The following ARHGAP18 variants were observed in gnomAD, a reference collection of about 807,000 sequenced individuals.
ARHGAP18 encodes the protein Rho GTPase activating protein 18, also known as rho GTPase-activating protein 18.
In ARHGAP18, 67 loss-of-function variants were observed where a neutral mutation model predicts 86.2. That is an observed-to-expected ratio of 0.78 (90% CI 0.64 to 0.95). ARHGAP18 has a LOEUF of 0.95. Among genes scored for constraint, ARHGAP18 ranks in the 40% least tolerant of loss-of-function variants. The probability of loss-of-function intolerance (pLI) is 0.00; values close to 1 mark genes in which losing one functional copy is unlikely to be tolerated. For synonymous variants in ARHGAP18, 283 were observed against 280.4 expected (o/e 1.01, Z -0.09); for missense variants, 691 against 780.4 (o/e 0.89, Z 1.37).
At chr6:129,582,660 A>G (rs1584019213) in intron 13 of ARHGAP18, among the ~76,000 whole-genome samples, 1 of 152,060 alleles carries the variant, frequency 6.6e-6, no homozygotes, top group Non-Finnish European at 1.5e-5. Context: ...AAACACATCT[A>G]CTCTCAGTCT....
intron 1 of ARHGAP18, among the ~76,000 whole-genome samples, chr6:129,649,618 T>C (rs1210216166): frequency 6.7e-6 from 1 of 149,556 alleles, no homozygotes; most frequent in Non-Finnish European, 1.5e-5. Context: ...AGTTTTTCAG[T>C]GTTCACCCAC....
At chr6:129,586,320 C>G (rs916868883) in intron 12 of ARHGAP18, among the ~76,000 whole-genome samples, 1 of 152,114 alleles carries the variant, frequency 6.6e-6, no homozygotes, top group African/African-American at 2.4e-5. Flanking sequence ...CCTAATCCAC[C>G]TTGTCTACTC....
At chr6:129,642,960 A>G (rs72984788) in intron 1 of ARHGAP18, among the ~76,000 whole-genome samples, 1 of 152,204 alleles carries the variant, frequency 6.6e-6, no homozygotes, top group Non-Finnish European at 1.5e-5. Flanking sequence ...ATTACCTCAA[A>G]CATTTCTCTC....
At chr6:129,671,174 AT>A (rs1562719276) in intron 1 of ARHGAP18, among the ~76,000 whole-genome samples, 1 of 152,200 alleles carries the variant, frequency 6.6e-6, no homozygotes, top group Admixed American at 6.5e-5. Flanking sequence ...GTGTGTATGC[AT>A]ATGCCCTTTA....
chr6:129,679,202 T>C (rs1774283358), intron 1 of ARHGAP18, among the ~76,000 whole-genome samples: 1 of 152,228 alleles, frequency 6.6e-6, no homozygotes, highest in African/African-American at 2.4e-5. Context: ...AATTTGCCAC[T>C]TTCTCTTAAG....
chr6:129,634,703 T>C (rs1277950096), intron 3 of ARHGAP18, among the ~76,000 whole-genome samples: 4 of 152,010 alleles, frequency 2.6e-5, no homozygotes, highest in African/African-American at 9.7e-5. Flanking sequence ...CAGGCTTTCT[T>C]TTGGAGACAA....
intron 1 of ARHGAP18, among the ~76,000 whole-genome samples, chr6:129,664,884 A>G (rs1354924552): frequency 6.6e-6 from 1 of 152,204 alleles, no homozygotes; most frequent in Non-Finnish European, 1.5e-5. Context: ...TATAGATGGA[A>G]GAGAAGACCT....
chr6:129,684,625 A>C (rs1562724079), intron 1 of ARHGAP18, among the ~76,000 whole-genome samples: 1 of 152,234 alleles, frequency 6.6e-6, no homozygotes, highest in Non-Finnish European at 1.5e-5. Flanking sequence ...ATTAGGTGTC[A>C]TGGAGCCTGC....
intron 7 of ARHGAP18, among the ~76,000 whole-genome samples, chr6:129,614,748 ATTTT>A (rs10556070): frequency 6.1e-5 from 8 of 131,548 alleles, no homozygotes; most frequent in East Asian, 4.4e-4. Flanking sequence ...GCAGTGACAG[ATTTT>A]TTTTTTTTTT....
chr6:129,631,290 C>T (rs566433371), intron 4 of ARHGAP18, among the ~76,000 whole-genome samples: 1 of 152,124 alleles, frequency 6.6e-6, no homozygotes, highest in East Asian at 1.9e-4. Context: ...ATAAATACCC[C>T]CACACTCACA....
At chr6:129,582,409 T>C (rs1401236644) in intron 13 of ARHGAP18, among the ~76,000 whole-genome samples, 1 of 152,070 alleles carries the variant, frequency 6.6e-6, no homozygotes, top group African/African-American at 2.4e-5. Context: ...TGAAAGTAAA[T>C]GTAAATTAAC....
Position 129,629,369 on chromosome 6 carries a change from T to A in ARHGAP18, c.770A>T (p.Asp257Val), listed in dbSNP as rs777607504. Residue 257 changes from aspartate to valine, a missense_variant, in exon 5 of 15, where the codon GAT becomes GTT. By Grantham distance (152) the Asp-to-Val change is radical. Transcript: ENST00000368149. Reference protein sequence around the residue: ...SKEKIQKSKGDDATLPSFRLP... With the variant: ...SKEKIQKSKGVDATLPSFRLP... ...ACTACGTACAGGTAATGTGGCATCA[T>A]CGCCTTTGCTCTTCTGGATTTTCTC... The A allele has an allele frequency of 6.2e-7, 1 of 1,613,756 alleles. No individual in the cohort carries two copies. Among genetic ancestry groups the A allele is most frequent in the South Asian group, 1.1e-5 (1 of 91,050 alleles).
intron 1 of ARHGAP18, among the ~76,000 whole-genome samples, chr6:129,644,882 A>C (rs766994744): frequency 3.3e-5 from 5 of 152,246 alleles, no homozygotes; most frequent in Non-Finnish European, 5.9e-5. Context: ...TAAAGCAAAA[A>C]TTGAATAGCT....
At chr6:129,584,775 C>A (rs1788361754) in intron 12 of ARHGAP18, among the ~76,000 whole-genome samples, 1 of 152,096 alleles carries the variant, frequency 6.6e-6, no homozygotes, top group Non-Finnish European at 1.5e-5. Flanking sequence ...TTAATTAATT[C>A]CTAAAGGGTT....
At chr6:129,704,335 C>T (rs1204814564) in intron 1 of ARHGAP18, among the ~76,000 whole-genome samples, 1 of 152,076 alleles carries the variant, frequency 6.6e-6, no homozygotes, top group Non-Finnish European at 1.5e-5. Context: ...ATCCCAGCTA[C>T]TGGGGAGCCT....
At chr6:129,707,135 A>G (rs1774814468) in intron 1 of ARHGAP18, among the ~76,000 whole-genome samples, 1 of 151,822 alleles carries the variant, frequency 6.6e-6, no homozygotes, top group Admixed American at 6.6e-5. Context: ...ATAGAGGCTG[A>G]GGCAGGAGAA....
chr6:129,699,239 C>A (rs1774672725), intron 1 of ARHGAP18, among the ~76,000 whole-genome samples: 1 of 152,188 alleles, frequency 6.6e-6, no homozygotes, highest in Non-Finnish European at 1.5e-5. Context: ...CCTAAATACT[C>A]CCAAATCAAT....
rs888761023 is a variant in ARHGAP18, at chr6:129,610,372, G to A, written c.1122+1161C>T. On this transcript the variant is annotated intron_variant, in intron 8 of 14. Transcript: ENST00000368149. The stretch of plus-strand genomic sequence containing the variant: ...CACAAAGATGACAGCAGGAGGACAC[G>A]TGGTACCCTGGAACAGTGGGAAGGA... Among the ~76,000 whole-genome samples the A allele has an allele frequency of 3.3e-5, 5 of 152,228 alleles. No homozygotes were observed. The East Asian group carries it at 7.7e-4, about 23-fold the overall frequency.
chr6:129,657,859 C>G (rs567819555), intron 1 of ARHGAP18, among the ~76,000 whole-genome samples: 3 of 152,080 alleles, frequency 2.0e-5, no homozygotes, highest in Non-Finnish European at 4.4e-5. Flanking sequence ...GAAAAGAGAC[C>G]GACATTTATT....
Sources: gnomAD v4.1 joint callset for allele counts (sites outside exome capture counted in the v4.1 genomes callset) on GRCh38, gnomAD v4.1.1 for gene constraint, MANE v1.5 for transcripts, NCBI Gene and HGNC (gene_info 2026-07-23, HGNC 2026-07-21) for gene names.